Variants in CABCOCO1 observed in about 807,000 individuals in gnomAD.
The protein encoded by CABCOCO1 is ciliary-associated calcium-binding coiled-coil protein 1.
Under a neutral mutation model 35.7 loss-of-function variants are expected in CABCOCO1, and 28 were observed. The observed-to-expected ratio is 0.78, with a 90% CI of 0.58 to 1.07. CABCOCO1 has a LOEUF of 1.07. Among genes scored for constraint, CABCOCO1 ranks in the 50% least tolerant of loss-of-function variants. CABCOCO1 has a pLI of 0.00. For missense variants in CABCOCO1, 326 were observed against 309.2 expected, an observed-to-expected ratio of 1.05 and a Z score of -0.41; for synonymous variants, 95 against 100.1, an observed-to-expected ratio of 0.95 and a Z score of 0.30.
intron 5 of CABCOCO1, among the ~76,000 whole-genome samples, chr10:61,736,128 T>C (rs1318233033): frequency 6.6e-6 from 1 of 152,206 alleles, no homozygotes; most frequent in Non-Finnish European, 1.5e-5. Context: ...ACTCTGATAG[T>C]TTCTTTTACT....
intron 5 of CABCOCO1, among the ~76,000 whole-genome samples, chr10:61,713,350 C>T (rs982110647): frequency 6.6e-5 from 10 of 151,890 alleles, no homozygotes; most frequent in African/African-American, 1.9e-4. Flanking sequence ...TTGATTTTTG[C>T]ACATTGATTT....
At chr10:61,674,724 G>A (rs1170498579) in intron 2 of CABCOCO1, among the ~76,000 whole-genome samples, 1 of 152,076 alleles carries the variant, frequency 6.6e-6, no homozygotes, top group African/African-American at 2.4e-5. Context: ...CTCCATGAAA[G>A]CAGCCAACAA....
At chr10:61,699,532 C>T (rs1218948640) in intron 5 of CABCOCO1, among the ~76,000 whole-genome samples, 2 of 152,104 alleles carry the variant, frequency 1.3e-5, no homozygotes, top group South Asian at 4.1e-4. Context: ...ACAGCTTGCT[C>T]ATTTCCCTCT....
At chr10:61,723,737 T>C (rs1020442443) in intron 5 of CABCOCO1, among the ~76,000 whole-genome samples, 1 of 152,150 alleles carries the variant, frequency 6.6e-6, no homozygotes, top group Non-Finnish European at 1.5e-5. Context: ...TTCTATCAGA[T>C]CCAGGACCCC....
chr10:61,700,241 G>A (rs1408661197), intron 5 of CABCOCO1, among the ~76,000 whole-genome samples: 1 of 151,682 alleles, frequency 6.6e-6, no homozygotes, highest in African/African-American at 2.4e-5. Context: ...CTATTCTAGG[G>A]GAGGGAAACA....
At chr10:61,670,402 A>G (rs894164352) in intron 1 of CABCOCO1, among the ~76,000 whole-genome samples, 1 of 152,116 alleles carries the variant, frequency 6.6e-6, no homozygotes, top group African/African-American at 2.4e-5. Flanking sequence ...GACCTAGTTT[A>G]GATTAATTGG....
chr10:61,720,239 G>A (rs2132039951), intron 5 of CABCOCO1, among the ~76,000 whole-genome samples: 1 of 151,020 alleles, frequency 6.6e-6, no homozygotes, highest in African/African-American at 2.4e-5. Flanking sequence ...AAGTATGCAA[G>A]CAATAAAAAT....
Position 61,686,054 on chromosome 10 carries a change from C to A in CABCOCO1, c.348C>A (p.Ser116=), listed in dbSNP as rs771026241. 4.4e-6 allele frequency: 7 copies of A among 1,603,658 alleles called. No homozygotes were observed. In the Admixed American group the frequency reaches 1.2e-4, roughly 28 times the overall value. ...SLQNLKTLHM[S]LEESIKWLGE... Reference sequence around the variant, plus strand: ...ATTTTATTTCAGCACTACATATGTCCTTAGAGGAAAGCATAAAATGGCTTG... The same window carrying A: ...ATTTTATTTCAGCACTACATATGTCATTAGAGGAAAGCATAAAATGGCTTG... Residue 116 remains serine, a synonymous_variant, in exon 4 of 8, where the codon TCC becomes TCA. Coordinates refer to ENST00000648843, the MANE Select transcript of CABCOCO1 (RefSeq NM_001366906.2).
At chr10:61,755,260 G>A (rs1841874084) in intron 5 of CABCOCO1, among the ~76,000 whole-genome samples, 1 of 151,984 alleles carries the variant, frequency 6.6e-6, no homozygotes, top group Non-Finnish European at 1.5e-5. Flanking sequence ...GCTACTTTAT[G>A]TGCCATATAT....
intron 5 of CABCOCO1, among the ~76,000 whole-genome samples, chr10:61,715,458 C>G (rs1387900347): frequency 6.6e-6 from 1 of 152,136 alleles, no homozygotes; most frequent in East Asian, 1.9e-4. Flanking sequence ...GGTCTTGACT[C>G]TTTATCCAAT....
At chr10:61,708,937 C>G (rs147547497) in intron 5 of CABCOCO1, among the ~76,000 whole-genome samples, 1 of 152,230 alleles carries the variant, frequency 6.6e-6, no homozygotes, top group Non-Finnish European at 1.5e-5. Context: ...TGATGGACTA[C>G]GCATAAACTT....
chr10:61,679,668 T>C (rs1839647003), intron 2 of CABCOCO1, among the ~76,000 whole-genome samples: 1 of 151,926 alleles, frequency 6.6e-6, no homozygotes, highest in South Asian at 2.1e-4. Flanking sequence ...ACTCCCTTCA[T>C]CCAAAGATAA....
chr10:61,713,781 T>C (rs1370184153), intron 5 of CABCOCO1, among the ~76,000 whole-genome samples: 7 of 152,226 alleles, frequency 4.6e-5, no homozygotes, highest in Admixed American at 1.3e-4. Flanking sequence ...GTGGTTTTTG[T>C]CATTGGTTCT....
chr10:61,701,814 C>T, intron 5 of CABCOCO1: 5 of 981,212 alleles, frequency 5.1e-6, no homozygotes, highest in South Asian at 4.7e-5. Flanking sequence ...GACCAGAGGC[C>T]TCTGAAAAAG....
chr10:61,675,045 C>T (rs1395861627), intron 2 of CABCOCO1, among the ~76,000 whole-genome samples: 1 of 152,102 alleles, frequency 6.6e-6, no homozygotes, highest in African/African-American at 2.4e-5. Flanking sequence ...TTAAAATGCA[C>T]CCCATTGTCA....
chr10:61,725,214 A>T (rs1436317953), intron 5 of CABCOCO1, among the ~76,000 whole-genome samples: 1 of 152,202 alleles, frequency 6.6e-6, no homozygotes, highest in Admixed American at 6.5e-5. Flanking sequence ...TTCCTCAAGG[A>T]TCTAGAACCA....
At chr10:61,724,126 T>C (rs1274181401) in intron 5 of CABCOCO1, among the ~76,000 whole-genome samples, 2 of 152,064 alleles carry the variant, frequency 1.3e-5, no homozygotes, top group East Asian at 1.9e-4. Context: ...ACCCAAATGA[T>C]CAAACTATAT....
rs185083687 is a variant in CABCOCO1, at chr10:61,760,371, A to G, written c.675+190A>G. ...TAGTTCAGCAATTTTAATCTTTTCC[A>G]CCCTACCCTTCCTAATCTCCACCTT... On this transcript the variant is annotated intron_variant, in intron 6 of 7. Coordinates refer to ENST00000648843, the MANE Select transcript of CABCOCO1 (RefSeq NM_001366906.2). 3.6e-3 allele frequency among the ~76,000 whole-genome samples: 548 copies of G among 151,920 alleles called. 3 individuals are homozygous for G. Among genetic ancestry groups the G allele is most frequent in the Non-Finnish European group, 6.5e-3 (443 of 67,896 alleles).
chr10:61,726,580 T>C (rs1841155273), intron 5 of CABCOCO1, among the ~76,000 whole-genome samples: 1 of 152,096 alleles, frequency 6.6e-6, no homozygotes, highest in Admixed American at 6.5e-5. Flanking sequence ...ACAATGATTC[T>C]GTTTATTTTT....
Sources: allele counts gnomAD v4.1 joint callset (sites outside exome capture counted in the v4.1 genomes callset), GRCh38; gene constraint gnomAD v4.1.1; transcripts MANE v1.5; gene names NCBI Gene and HGNC (gene_info 2026-07-23, HGNC 2026-07-21).